The following OTULIN variants were observed in gnomAD, a reference collection of about 807,000 sequenced individuals.
The protein encoded by OTULIN is OTU deubiquitinase with linear linkage specificity.
In OTULIN, 15 loss-of-function variants were observed where a neutral mutation model predicts 39.6. That is an observed-to-expected ratio of 0.38 (90% CI 0.25 to 0.58). OTULIN has a LOEUF of 0.58. Ranked by LOEUF, OTULIN falls within the 20% of genes least tolerant of loss-of-function variation. The probability of loss-of-function intolerance (pLI) is 0.66; values close to 1 mark genes in which losing one functional copy is unlikely to be tolerated. For missense variants in OTULIN, 319 were observed against 445.9 expected, an observed-to-expected ratio of 0.72 and a Z score of 2.56; for synonymous variants, 156 against 170.3, an observed-to-expected ratio of 0.92 and a Z score of 0.65.
intron 1 of OTULIN, among the ~76,000 whole-genome samples, chr5:14,672,306 G>C (rs147146425): frequency 6.6e-6 from 1 of 152,148 alleles, no homozygotes; most frequent in East Asian, 1.9e-4. Context: ...GGTTCCCTGA[G>C]TGGGAACCAT....
rs1736235519 is a variant in OTULIN at position 14,681,032 on chromosome 5, C to G, written c.325-432C>G. On this transcript the variant is annotated intron_variant, in intron 3 of 6. Transcript: ENST00000284274. ...CCGAGATTGCGCCACTGCACTCCAG[C>G]CTGGGCAACGAGAGCGAAACTGCAT... Among the ~76,000 whole-genome samples the G allele has an allele frequency of 6.6e-5, 10 of 152,274 alleles. No individual in the cohort carries two copies. The South Asian group carries it at 2.1e-3, about 32-fold the overall frequency.
chr5:14,669,340 A>G (rs152971), intron 1 of OTULIN, among the ~76,000 whole-genome samples: 6,504 of 151,830 alleles, frequency 0.043, 189 homozygotes, highest in Admixed American at 0.084. Flanking sequence ...ACTCCAGCCT[A>G]TGCAATAAGA....
At chr5:14,665,921 A>G (rs1239033756) in intron 1 of OTULIN, among the ~76,000 whole-genome samples, 1 of 152,214 alleles carries the variant, frequency 6.6e-6, no homozygotes, top group Admixed American at 6.5e-5. Context: ...TAATGGGTTA[A>G]TGGCCACTGG....
rs1348592492 is a variant in OTULIN at position 14,696,146 on chromosome 5, G to A, written c.*3098G>A. 6.6e-6 allele frequency: 1 copy of A among 152,038 alleles called. No individual in the cohort carries two copies. The highest frequency in any genetic ancestry group is 1.5e-5 in the Non-Finnish European group (1 of 68,022). 9.4% of individuals were successfully genotyped at this position (152,038 alleles called of 1,614,324 possible). ...TTCATCCTGTGTCCTCCCTCTTCCCGATGTGCTGTTTTACCTAGGAGTTAG... is the reference window on the plus strand; with the variant it reads ...TTCATCCTGTGTCCTCCCTCTTCCCAATGTGCTGTTTTACCTAGGAGTTAG... On this transcript the variant is annotated 3_prime_UTR_variant, in exon 7 of 7. Transcript: ENST00000284274.
At chr5:14,673,451 A>G (rs1425456834) in intron 1 of OTULIN, among the ~76,000 whole-genome samples, 191 bp from the exon 2 acceptor site, 5 of 152,260 alleles carry the variant, frequency 3.3e-5, no homozygotes, top group Non-Finnish European at 7.3e-5. Context: ...GAAGTAGAAG[A>G]AAGTGGTGAG....
intron 5 of OTULIN, among the ~76,000 whole-genome samples, chr5:14,689,277 G>A (rs887155984): frequency 6.6e-6 from 1 of 152,190 alleles, no homozygotes; most frequent in African/African-American, 2.4e-5. Flanking sequence ...AGAGGGAATT[G>A]TATGCAGTCA....
chr5:14,706,329 A>G, the OTULIN span: 2 of 152,312 alleles, frequency 1.3e-5, no homozygotes, highest in East Asian at 3.9e-4. Context: ...AGAGAAAAAC[A>G]TTATCACTAA....
chr5:14,710,883 T>C, the OTULIN span: 6 of 378,668 alleles, frequency 1.6e-5, no homozygotes, highest in African/African-American at 6.3e-5. Flanking sequence ...CAAGAGGAGA[T>C]TGTCCAGGGG....
the OTULIN span, among the ~76,000 whole-genome samples, chr5:14,711,506 C>CTGTGT: frequency 6.6e-6 from 1 of 152,068 alleles, no homozygotes; most frequent in African/African-American, 2.4e-5. Flanking sequence ...TGTGTGCCTG[C>CTGTGT]TGTGTGCCTG....
At chr5:14,681,374 C>G in intron 3 of OTULIN, 90 bp from the exon 4 acceptor site, 1 of 1,483,002 alleles carries the variant, frequency 6.7e-7, no homozygotes, top group Non-Finnish European at 9.1e-7. Context: ...CCCAGTGATC[C>G]CAGGCCAAGC....
chr5:14,685,736 C>T (rs1736370791), intron 4 of OTULIN, among the ~76,000 whole-genome samples: 1 of 152,202 alleles, frequency 6.6e-6, no homozygotes, highest in Non-Finnish European at 1.5e-5. Flanking sequence ...ATAACTGTAT[C>T]ATGTCCCCAG....
rs1347354310 is a variant in OTULIN, at chr5:14,698,865, C to G, written c.*5817C>G. 6.6e-6 allele frequency: 1 copy of G among 152,446 alleles called. No homozygotes were observed. Among genetic ancestry groups the G allele is most frequent in the Non-Finnish European group, 1.5e-5 (1 of 68,282 alleles). 9.4% of individuals were successfully genotyped at this position (152,446 alleles called of 1,614,324 possible). ...TACTAAGTGCCCCCAACCCTGCCAG[C>G]CAAATTAGGTGCATAGTTTTCAGCT... On this transcript the variant is annotated 3_prime_UTR_variant, in exon 7 of 7. Transcript: ENST00000284274.
chr5:14,678,475 A>T (rs1021780621), intron 2 of OTULIN, among the ~76,000 whole-genome samples: 4 of 152,168 alleles, frequency 2.6e-5, no homozygotes, highest in African/African-American at 9.7e-5. Flanking sequence ...GAGTGTGGTG[A>T]CAAGGGACAC....
At position 14,690,452 on chromosome 5, in the gene OTULIN, T is replaced by C; in HGVS notation, c.864+144T>C. ...TCAGGATGTCATGAGGCTGCAGTTG[T>C]ATGTTCAGGGCTGCAGTCATCTGAA... On this transcript the variant is annotated intron_variant, in intron 6 of 6. Coordinates refer to ENST00000284274, the MANE Select transcript of OTULIN (RefSeq NM_138348.6). This position sits in a 1 kb window ranked among gnomAD's most constrained non-coding sequence, Gnocchi z 4.5. The C allele has an allele frequency of 2.1e-6, 2 of 972,982 alleles. No individual in the cohort carries two copies. Among genetic ancestry groups the C allele is most frequent in the Non-Finnish European group, 3.0e-6 (2 of 663,548 alleles). The allele number at this position is 972,982 out of a possible 1,614,324, so 60.3% of individuals were successfully genotyped here.
intron 1 of OTULIN, among the ~76,000 whole-genome samples, chr5:14,668,407 G>T (rs1224991643): frequency 6.6e-6 from 1 of 152,258 alleles, no homozygotes; most frequent in African/African-American, 2.4e-5. Context: ...CAGAAGAGGG[G>T]TGGAATTTTG....
chr5:14,701,621 A>C (rs374604329), downstream of OTULIN, among the ~76,000 whole-genome samples: 14 of 151,534 alleles, frequency 9.2e-5, no homozygotes, highest in African/African-American at 3.4e-4. Flanking sequence ...TCAAATATCT[A>C]CTCTTGGTAC....
Position 14,681,379 on chromosome 5 carries a change from C to G in OTULIN, c.325-85C>G, listed in dbSNP as rs576975020. Reference sequence around the variant, plus strand: ...TGGGCATCCTCCCAGTGATCCCAGGCCAAGCTTTTTCCACAGGAATGAAAC... The same window carrying G: ...TGGGCATCCTCCCAGTGATCCCAGGGCAAGCTTTTTCCACAGGAATGAAAC... On this transcript the variant is annotated intron_variant, in intron 3 of 6. Transcript: ENST00000284274. 2.8e-5 allele frequency: 42 copies of G among 1,495,642 alleles called. No homozygotes were observed. The South Asian group carries it at 5.7e-4, about 20-fold the overall frequency. 92.6% of individuals were successfully genotyped at this position (1,495,642 alleles called of 1,614,324 possible).
chr5:14,687,758 T>G, intron 5 of OTULIN, 112 bp downstream of exon 5: 1 of 1,342,640 alleles, frequency 7.4e-7, no homozygotes, highest in East Asian at 2.5e-5. Context: ...TCTTGGCTGA[T>G]TTTTAGGCAA....
intron 6 of OTULIN, among the ~76,000 whole-genome samples, chr5:14,691,537 A>G (rs1579977694): frequency 1.3e-5 from 2 of 152,158 alleles, no homozygotes; most frequent in East Asian, 1.9e-4. Flanking sequence ...TGGTTTGCAT[A>G]TTAGACTAAA....
Sources: allele counts gnomAD v4.1 joint callset (sites outside exome capture counted in the v4.1 genomes callset), GRCh38; gene constraint gnomAD v4.1.1; non-coding constraint Gnocchi (gnomAD v3.1); transcripts MANE v1.5; gene names NCBI Gene and HGNC (gene_info 2026-07-23, HGNC 2026-07-21).